The following DNAAF11 variants were observed in gnomAD, a reference collection of about 807,000 sequenced individuals.
DNAAF11 encodes leucine rich repeat containing 6.
Under a neutral mutation model 60.8 loss-of-function variants are expected in DNAAF11, and 45 were observed. That is an observed-to-expected ratio of 0.74 (90% confidence interval 0.58 to 0.95). The LOEUF (loss-of-function observed/expected upper bound fraction) is 0.95. Ranked by LOEUF, DNAAF11 falls within the 40% of genes least tolerant of loss-of-function variation. DNAAF11 has a pLI of 0.00. For missense variants in DNAAF11, 546 were observed against 546.2 expected (o/e 1.00, Z 0.00); for synonymous variants, 191 against 183.5 (o/e 1.04, Z -0.33).
At chr8:132,658,739 C>T (rs1008176454) in intron 2 of DNAAF11, among the ~76,000 whole-genome samples, 5 of 152,158 alleles carry the variant, frequency 3.3e-5, no homozygotes, top group Non-Finnish European at 7.3e-5. Context: ...AACAGGATTT[C>T]CCTTCCCCAC....
chr8:132,655,597 A>G (rs1823473040), intron 3 of DNAAF11, among the ~76,000 whole-genome samples: 1 of 152,206 alleles, frequency 6.6e-6, no homozygotes, highest in Non-Finnish European at 1.5e-5. Context: ...TATATAAAGA[A>G]CACTTGCAAC....
chr8:132,580,088 T>C (rs1186097525), intron 11 of DNAAF11, among the ~76,000 whole-genome samples: 3 of 147,454 alleles, frequency 2.0e-5, no homozygotes, highest in Non-Finnish European at 4.5e-5. Flanking sequence ...AATAGAAATA[T>C]AAAAACTTCA....
intron 10 of DNAAF11, among the ~76,000 whole-genome samples, chr8:132,588,330 G>T (rs754514178): frequency 1.3e-5 from 2 of 152,178 alleles, no homozygotes; most frequent in Admixed American, 6.5e-5. Context: ...ACATTTTCCT[G>T]TGAGTTTAGC....
chr8:132,598,994 T>C (rs537919904), intron 10 of DNAAF11, among the ~76,000 whole-genome samples: 4 of 152,166 alleles, frequency 2.6e-5, no homozygotes, highest in Admixed American at 2.6e-4. Context: ...AGCTGGTTTT[T>C]TGAAAAGATC....
chr8:132,614,982 C>A, intron 8 of DNAAF11, 56 bp downstream of exon 8: 1 of 1,142,986 alleles, frequency 8.7e-7, no homozygotes, highest in South Asian at 1.5e-5. Flanking sequence ...AAAATTACTA[C>A]TGAGAATGAA....
chr8:132,585,714 C>G (rs1815824202), intron 10 of DNAAF11, among the ~76,000 whole-genome samples: 1 of 152,140 alleles, frequency 6.6e-6, no homozygotes, highest in Admixed American at 6.5e-5. Flanking sequence ...GAAGGTGACT[C>G]ATGGAAAGGT....
intron 11 of DNAAF11, chr8:132,578,577 T>G: frequency 1.0e-6 from 1 of 958,914 alleles, no homozygotes; most frequent in Non-Finnish European, 1.6e-6. Context: ...AGAAAATGCC[T>G]AAAATTAATC....
chr8:132,679,255 T>C (rs1825831095), upstream of DNAAF11, among the ~76,000 whole-genome samples: 1 of 152,226 alleles, frequency 6.6e-6, no homozygotes, highest in African/African-American at 2.4e-5. Flanking sequence ...TTTCCATCCC[T>C]GAATCCTAGC....
chr8:132,649,615 C>G (rs1052152005), intron 3 of DNAAF11, among the ~76,000 whole-genome samples: 1 of 152,012 alleles, frequency 6.6e-6, no homozygotes, highest in East Asian at 1.9e-4. Flanking sequence ...TACAATCTAC[C>G]CATCTGACAA....
chr8:132,606,116 C>A (rs978480835), intron 10 of DNAAF11, among the ~76,000 whole-genome samples: 1 of 152,070 alleles, frequency 6.6e-6, no homozygotes, highest in Admixed American at 6.6e-5. Context: ...TGTTGTAGAA[C>A]AATGAATTAC....
At chr8:132,624,206 G>T (rs1820033452) in intron 6 of DNAAF11, among the ~76,000 whole-genome samples, 1 of 152,280 alleles carries the variant, frequency 6.6e-6, no homozygotes, top group South Asian at 2.1e-4. Flanking sequence ...TCTTGAGTCT[G>T]CAAAGCACTT....
At chr8:132,657,153 G>A (rs1823660811) in intron 2 of DNAAF11, among the ~76,000 whole-genome samples, 1 of 151,990 alleles carries the variant, frequency 6.6e-6, no homozygotes, top group South Asian at 2.1e-4. Flanking sequence ...CTAACTCCAG[G>A]CAGTTAGGTT....
chr8:132,621,598 C>A (rs1474005235), intron 7 of DNAAF11, among the ~76,000 whole-genome samples: 3 of 152,080 alleles, frequency 2.0e-5, no homozygotes, highest in Non-Finnish European at 4.4e-5. Flanking sequence ...TAAATAGAGA[C>A]CGCCTAAAGT....
At chr8:132,607,267 C>T (rs1313009359) in intron 10 of DNAAF11, among the ~76,000 whole-genome samples, 3 of 152,164 alleles carry the variant, frequency 2.0e-5, no homozygotes, top group Admixed American at 1.3e-4. Flanking sequence ...CTTGTTAAAA[C>T]GGTAGAGGAA....
chr8:132,602,229 T>A (rs1817702234), intron 10 of DNAAF11, among the ~76,000 whole-genome samples: 1 of 152,144 alleles, frequency 6.6e-6, no homozygotes, highest in Non-Finnish European at 1.5e-5. Flanking sequence ...TGTTTCCTTA[T>A]AAAACATTTC....
At chr8:132,575,560 G>A (rs1814657604) in intron 11 of DNAAF11, among the ~76,000 whole-genome samples, 1 of 152,096 alleles carries the variant, frequency 6.6e-6, no homozygotes. Context: ...CGTGGCAAGG[G>A]CTCTGCAAGT....
intron 1 of DNAAF11, among the ~76,000 whole-genome samples, chr8:132,674,997 C>G (rs968075115): frequency 3.3e-5 from 5 of 152,212 alleles, no homozygotes; most frequent in African/African-American, 1.2e-4. Flanking sequence ...TGAAGTCACT[C>G]GCTCAAAGTC....
the DNAAF11 span, among the ~76,000 whole-genome samples, chr8:132,689,859 C>G: frequency 2.6e-5 from 4 of 152,008 alleles, no homozygotes; most frequent in Admixed American, 6.6e-5. Flanking sequence ...ACTATAGGCT[C>G]GCACCATTGC....
chr8:132,675,710 G>T (rs539275855), upstream of DNAAF11: 233 of 437,804 alleles, frequency 5.3e-4, 1 homozygote, highest in African/African-American at 4.2e-3. Context: ...GCAGACAGGG[G>T]TTCCCCAACC....
Sources: allele counts gnomAD v4.1 joint callset (sites outside exome capture counted in the v4.1 genomes callset), GRCh38; gene constraint gnomAD v4.1.1; transcripts MANE v1.5; gene names NCBI Gene and HGNC (gene_info 2026-07-23, HGNC 2026-07-21).